Variants in SMG5 observed in about 807,000 individuals in gnomAD.
The protein encoded by SMG5 is nonsense-mediated mRNA decay factor SMG5.
SMG5 carries 53 observed loss-of-function variants against 122.9 expected under a neutral mutation model. That is an observed-to-expected ratio of 0.43 (90% CI 0.35 to 0.54). The LOEUF (loss-of-function observed/expected upper bound fraction) is 0.54, where lower values mean the gene tolerates loss of function less well. Among genes scored for constraint, SMG5 ranks in the 20% least tolerant of loss-of-function variants. The pLI is 0.01. For synonymous variants in SMG5, 477 were observed against 490.2 expected (o/e 0.97, Z 0.35); for missense variants, 1,153 against 1,285.6 (o/e 0.90, Z 1.58).
intron 7 of SMG5, among the ~76,000 whole-genome samples, 155 bp downstream of exon 7, chr1:156,272,165 C>A (rs1662465214): frequency 6.6e-6 from 1 of 152,230 alleles, no homozygotes; most frequent in Non-Finnish European, 1.5e-5. Context: ...AGCAGCAGGG[C>A]TGTGTCAGAG....
At chr1:156,252,679 T>C in intron 18 of SMG5, 175 bp from the exon 19 acceptor site, 1 of 755,028 alleles carries the variant, frequency 1.3e-6, no homozygotes, top group Non-Finnish European at 2.1e-6. Flanking sequence ...AGCAATATAC[T>C]TGGCAATTTA....
At chr1:156,277,790 G>A (rs986014014) in intron 3 of SMG5, 135 bp downstream of exon 3, 22 of 1,154,202 alleles carry the variant, frequency 1.9e-5, no homozygotes, top group Admixed American at 3.8e-5. Flanking sequence ...GGGATTACAC[G>A]CATGAGCCAC....
chr1:156,267,996 G>C (rs1662232302), intron 9 of SMG5, 119 bp downstream of exon 9: 7 of 1,053,664 alleles, frequency 6.6e-6, no homozygotes, highest in Non-Finnish European at 8.5e-6. Flanking sequence ...GGATGAATTG[G>C]TTACGGATGT....
intron 12 of SMG5, among the ~76,000 whole-genome samples, chr1:156,264,846 C>T (rs868633165): frequency 2.0e-5 from 3 of 151,966 alleles, no homozygotes; most frequent in East Asian, 1.9e-4. Context: ...GCCAACATGG[C>T]GAAACCCCGT....
At chr1:156,257,648 C>T (rs998148176) in intron 16 of SMG5, among the ~76,000 whole-genome samples, 27 of 152,250 alleles carry the variant, frequency 1.8e-4, no homozygotes, top group African/African-American at 6.3e-4. Context: ...CAATAAAAGC[C>T]TTAACAAAGG....
rs781406662 is a variant in SMG5 at position 156,249,963 on chromosome 1, G to GAA, written c.*623_*624insTT. On this transcript the variant is annotated 3_prime_UTR_variant, in exon 22 of 22. Coordinates refer to ENST00000361813, the MANE Select transcript of SMG5 (RefSeq NM_015327.3). The stretch of plus-strand genomic sequence containing the variant: ...AATGGGATGTGCAGCCCCTGCAGCA[G>GAA]GAGGAGGAGCACACGAACCCTGACC... 1 of 470,820 alleles carries GAA rather than the reference G, an allele frequency of 2.1e-6. No homozygotes were observed. The highest frequency in any genetic ancestry group is 1.5e-5 in the South Asian group (1 of 64,552). 29.2% of individuals were successfully genotyped at this position (470,820 alleles called of 1,614,324 possible).
At chr1:156,285,644 CA>C, upstream of SMG5, 1 of 1,614,026 alleles carries the variant, frequency 6.2e-7, no homozygotes. Flanking sequence ...CATTGAGCGG[CA>C]GCCCCAAGAA....
intron 4 of SMG5, among the ~76,000 whole-genome samples, chr1:156,276,528 C>T (rs1385706326): frequency 6.6e-6 from 1 of 152,182 alleles, no homozygotes; most frequent in Non-Finnish European, 1.5e-5. Flanking sequence ...CCCAGAATGT[C>T]TGTCTTGGTG....
At chr1:156,253,326 G>C in intron 17 of SMG5, 123 bp downstream of exon 17, 2 of 1,057,476 alleles carry the variant, frequency 1.9e-6, no homozygotes, top group Non-Finnish European at 2.9e-6. Context: ...TCATCTGGGA[G>C]AGGCGGAGGG....
intron 9 of SMG5, 23 bp downstream of exon 9, chr1:156,268,092 G>C: frequency 6.2e-7 from 1 of 1,612,880 alleles, no homozygotes; most frequent in Non-Finnish European, 8.5e-7. Context: ...GGATAGTTCA[G>C]GTTCATGCTC....
Position 156,261,371 on chromosome 1 carries a change from A to C in SMG5, c.2069T>G (p.Leu690Arg), listed in dbSNP as rs1162294549. The C allele has an allele frequency of 2.5e-6, 4 of 1,614,206 alleles. No homozygotes were observed. The highest frequency in any genetic ancestry group is 3.4e-6 in the Non-Finnish European group (4 of 1,180,044). The change falls in exon 14 of 22, where the codon CTG becomes CGG. Residue 690 changes from leucine to arginine, a missense_variant. By Grantham distance (102) the Leu-to-Arg change is moderately radical. Transcript: ENST00000361813. The stretch of plus-strand genomic sequence containing the variant: ...TTCACCAGCAGCAGGCAACAGATTC[A>C]GCAACACAGACAGGCGGTTCCACAG... ...QSLWNRLSVL[L>R]NLLPAAGELQ...
At chr1:156,285,798 G>C (rs768421803), upstream of SMG5, 3 of 1,613,582 alleles carry the variant, frequency 1.9e-6, no homozygotes, top group African/African-American at 2.7e-5. Context: ...GGCTGCGGGA[G>C]CTGTGGAGAC....
intron 16 of SMG5, among the ~76,000 whole-genome samples, chr1:156,256,252 T>A (rs1661570712): frequency 6.6e-6 from 1 of 150,472 alleles, no homozygotes; most frequent in Non-Finnish European, 1.5e-5. Context: ...AGAAACAATG[T>A]AAACAAATGA....
intron 16 of SMG5, among the ~76,000 whole-genome samples, chr1:156,257,304 C>T (rs572573217): frequency 1.3e-5 from 2 of 152,294 alleles, no homozygotes; most frequent in East Asian, 3.9e-4. Context: ...TGAGATGTCA[C>T]ATGCAAACCA....
chr1:156,274,658 C>T lies in SMG5; in HGVS notation c.483G>A (p.Gly161=). Residue 161 remains glycine (G), a synonymous_variant, in exon 5 of 22, where the codon GGG becomes GGA. Transcript: ENST00000361813. ...IGCKKPVSAS[G]KEMDWAQMAC... ...CCATCTGTGCCCAATCCATCTCCTT[C>T]CCTGAGGCAGACACTGGCTTCTTGC... 1 of 1,614,012 alleles carries T rather than the reference C, an allele frequency of 6.2e-7. No homozygotes were observed. The highest frequency in any genetic ancestry group is 8.5e-7 in the Non-Finnish European group (1 of 1,179,914).
chr1:156,289,637 AC>A, the SMG5 span, among the ~76,000 whole-genome samples: 3 of 152,190 alleles, frequency 2.0e-5, no homozygotes, highest in South Asian at 2.1e-4. Context: ...CAACAAAAAA[AC>A]AATCTGGTAC....
intron 5 of SMG5, among the ~76,000 whole-genome samples, chr1:156,274,341 C>T (rs2101559774): frequency 6.6e-6 from 1 of 152,320 alleles, no homozygotes; most frequent in East Asian, 1.9e-4. Context: ...CAACCCACTA[C>T]TGAAAGAGAA....
At chr1:156,263,347 C>T (rs540646552) in intron 13 of SMG5, 48 bp downstream of exon 13, 48 of 1,569,198 alleles carry the variant, frequency 3.1e-5, no homozygotes, top group Non-Finnish European at 4.0e-5. Flanking sequence ...TCATCCCCTC[C>T]TCCAAGACCC....
chr1:156,263,643 G>A lies in SMG5; in HGVS notation c.1856-73C>T. On this transcript the variant is annotated intron_variant, in intron 12 of 21. Coordinates refer to ENST00000361813, the MANE Select transcript of SMG5 (RefSeq NM_015327.3). ...ACACTTGGGAACAGGCCTCAGCTCT[G>A]TGCAGGGAGCATGCTTCCACCTGGC... is the stretch of plus-strand genomic sequence containing the variant. 2.7e-6 allele frequency: 4 copies of A among 1,502,804 alleles called. 1 individual carries two copies. The highest frequency in any genetic ancestry group is 2.6e-5 in the South Asian group (2 of 78,424). The allele number at this position is 1,502,804 out of a possible 1,614,324, so 93.1% of individuals were successfully genotyped here. A position where few individuals can be genotyped will look rare whatever the true frequency, so the allele number is the denominator to read the frequency against.
Sources: gnomAD v4.1 joint callset for allele counts (sites outside exome capture counted in the v4.1 genomes callset) on GRCh38, gnomAD v4.1.1 for gene constraint, MANE v1.5 for transcripts, NCBI Gene and HGNC (gene_info 2026-07-23, HGNC 2026-07-21) for gene names.